Variants in PCDH11X observed in about 807,000 individuals in gnomAD.
PCDH11X encodes the protein protocadherin 11 X-linked.
A neutral mutation model predicts 53.3 loss-of-function variants in PCDH11X; 18 were observed. The ratio of observed to expected loss-of-function variants is 0.34; its 90% confidence interval spans 0.23 to 0.50. PCDH11X has a LOEUF of 0.50. PCDH11X is among the 20% of genes least tolerant of loss of function. The pLI is 0.98. For synonymous variants in PCDH11X, 279 were observed against 393.3 expected (o/e 0.71, Z 3.44); for missense variants, 570 against 1,032.4 (o/e 0.55, Z 6.14).
At chrX:92,597,800 A>G (rs1033050127) in intron 10 of PCDH11X, among the ~76,000 whole-genome samples, 4 of 111,737 alleles carry the variant, frequency 3.6e-5, no homozygotes, top group African/African-American at 1.3e-4. Context: ...ATAGTAACCA[A>G]ACAGCATAAA....
chrX:92,441,049 G>A (rs1474314153), intron 9 of PCDH11X, among the ~76,000 whole-genome samples: 2 of 110,878 alleles, frequency 1.8e-5, no homozygotes, highest in Non-Finnish European at 3.8e-5. Flanking sequence ...GCAAAGAGAC[G>A]GATGGCACTT....
At position 92,009,483 on chromosome X, in the gene PCDH11X, A is replaced by G. The variant is rs865924234; in HGVS notation, c.3033+130210A>G. Among the ~76,000 whole-genome samples the G allele has an allele frequency of 7.4e-4, 82 of 111,053 alleles. 2 individuals are homozygous for G. Among genetic ancestry groups the G allele is most frequent in the Admixed American group, 3.9e-4 (4 of 10,333 alleles). ...ACATATGACATACTAAGGCAATGCC[A>G]TTATCATGCTGTATTACAAATAAAA... On this transcript the variant is annotated intron_variant, in intron 6 of 10. Transcript: ENST00000682573.
chrX:92,006,683 T>C (rs1214763603), intron 6 of PCDH11X, among the ~76,000 whole-genome samples: 6 of 110,229 alleles, frequency 5.4e-5, no homozygotes, highest in Non-Finnish European at 9.5e-5. Flanking sequence ...TATTCTTCAG[T>C]GTCTGGGCAT....
At chrX:91,796,244 C>G (rs1935729808) in intron 1 of PCDH11X, among the ~76,000 whole-genome samples, 1 of 111,786 alleles carries the variant, frequency 8.9e-6, no homozygotes, top group Non-Finnish European at 1.9e-5. Context: ...AGCATTTGAT[C>G]TAACATAGTT....
rs568320534 is a variant in PCDH11X, at chrX:91,989,046, G to A, written c.3033+109773G>A. On this transcript the variant is annotated intron_variant, in intron 6 of 10. Coordinates refer to ENST00000682573, the MANE Select transcript of PCDH11X (RefSeq NM_032968.5). ...CACTATCCAGGAATCTGCTACTAGGGGTTAGGCAGGTTTTCAAACCACAGT... is the reference window on the plus strand; with the variant it reads ...CACTATCCAGGAATCTGCTACTAGGAGTTAGGCAGGTTTTCAAACCACAGT... Among the ~76,000 whole-genome samples, 147 of 110,718 alleles carry A rather than the reference G, an allele frequency of 1.3e-3. 3 individuals are homozygous for A. The South Asian group carries it at 0.057, about 43-fold the overall frequency.
At chrX:92,157,366 A>G (rs567047100) in intron 6 of PCDH11X, among the ~76,000 whole-genome samples, 2 of 111,883 alleles carry the variant, frequency 1.8e-5, no homozygotes, top group Non-Finnish European at 3.8e-5. Context: ...AATAGTGTAT[A>G]ATTTTTTTAT....
At chrX:91,824,932 C>A (rs905609705) in intron 4 of PCDH11X, among the ~76,000 whole-genome samples, 1 of 108,268 alleles carries the variant, frequency 9.2e-6, no homozygotes, top group Non-Finnish European at 1.9e-5. Flanking sequence ...GAGTACCCTG[C>A]AGTGTGAGGT....
At chrX:92,508,213 G>GTT (rs201788107) in intron 10 of PCDH11X, among the ~76,000 whole-genome samples, 67 of 64,262 alleles carry the variant, frequency 1.0e-3, no homozygotes, top group Non-Finnish European at 1.8e-3. Context: ...ACTCTACTTT[G>GTT]TTTTTTTTTG....
chrX:92,419,669 CTTTTTTTTTTTTTTT>C (rs757189751), intron 9 of PCDH11X, among the ~76,000 whole-genome samples: 127 of 54,201 alleles, frequency 2.3e-3, no homozygotes, highest in African/African-American at 8.9e-3. Context: ...TCCCTCCACC[CTTTTTTTTTTTTTTT>C]TTTTTTTTTT....
intron 9 of PCDH11X, among the ~76,000 whole-genome samples, chrX:92,415,277 A>G (rs1176427878): frequency 2.7e-5 from 3 of 111,663 alleles, no homozygotes; most frequent in Non-Finnish European, 5.7e-5. Context: ...GAAACACTTA[A>G]CTTCCTAGAA....
chrX:92,065,520 G>A (rs150130724), intron 6 of PCDH11X, among the ~76,000 whole-genome samples: 9,656 of 111,097 alleles, frequency 0.087, 889 homozygotes, highest in African/African-American at 0.27. Flanking sequence ...ATCCTTACCA[G>A]CATTTGTTAT....
intron 9 of PCDH11X, among the ~76,000 whole-genome samples, chrX:92,423,086 G>A (rs1207869839): frequency 2.0e-5 from 2 of 100,601 alleles, no homozygotes; most frequent in African/African-American, 6.7e-5. Context: ...TCCTGACCTC[G>A]TGATCTGCCC....
chrX:91,927,283 A>G (rs1237550465), intron 6 of PCDH11X, among the ~76,000 whole-genome samples: 1 of 110,174 alleles, frequency 9.1e-6, no homozygotes, highest in Non-Finnish European at 1.9e-5. Context: ...CAGTTACGGA[A>G]CATGACAAAT....
At position 92,235,344 on chromosome X, in the gene PCDH11X, A is replaced by T. The variant is rs933434962; in HGVS notation, c.3115-27770A>T. On this transcript the variant is annotated intron_variant, in intron 7 of 10. Transcript: ENST00000682573. Reference sequence around the variant, plus strand: ...GGTTATGATTTCATAGGCAATGTTAATTCTTACCAATTCTTTAAGAGTTTT... The same window carrying T: ...GGTTATGATTTCATAGGCAATGTTATTTCTTACCAATTCTTTAAGAGTTTT... 9.9e-5 allele frequency among the ~76,000 whole-genome samples: 11 copies of T among 111,008 alleles called. No individual in the cohort carries two copies. The East Asian group carries it at 3.1e-3, about 32-fold the overall frequency.
intron 7 of PCDH11X, among the ~76,000 whole-genome samples, chrX:92,260,552 A>G (rs2067694751): frequency 9.1e-6 from 1 of 110,273 alleles, no homozygotes; most frequent in African/African-American, 3.3e-5. Context: ...AAAACTAGGT[A>G]TTATGAGGGC....
intron 9 of PCDH11X, among the ~76,000 whole-genome samples, chrX:92,400,150 A>C (rs1045907347): frequency 3.6e-5 from 4 of 110,285 alleles, no homozygotes; most frequent in Non-Finnish European, 7.6e-5. Context: ...TAGGTGTTCA[A>C]CTATAGACAA....
At chrX:91,915,984 A>G (rs1360739593) in intron 6 of PCDH11X, among the ~76,000 whole-genome samples, 1 of 110,143 alleles carries the variant, frequency 9.1e-6, no homozygotes, top group Non-Finnish European at 1.9e-5. Flanking sequence ...AATTATATCA[A>G]GTATCCTCTC....
intron 6 of PCDH11X, among the ~76,000 whole-genome samples, chrX:91,926,736 G>A (rs1318761941): frequency 1.8e-5 from 2 of 110,615 alleles, no homozygotes; most frequent in Admixed American, 9.7e-5. Context: ...ACATAGTAAC[G>A]TTGCAATACA....
In PCDH11X at chrX:92,622,865, A is replaced by G. The variant is rs1365200276; in HGVS notation, c.*3925A>G. ...ACAGTAACAAAAAAATCTGCTCAGA[A>G]AAATGTATGTGCACAAATAAAAAAA... is the stretch of plus-strand genomic sequence containing the variant. On this transcript the variant is annotated 3_prime_UTR_variant, in exon 11 of 11. Transcript: ENST00000682573. The G allele has an allele frequency of 1.2e-4, 13 of 110,766 alleles. No individual in the cohort carries two copies. The highest frequency in any genetic ancestry group is 4.3e-4 in the African/African-American group (13 of 30,425). The allele number at this position is 110,766 out of a possible 1,213,427, so 9.1% of individuals were successfully genotyped here.
Sources: gnomAD v4.1 joint callset for allele counts (sites outside exome capture counted in the v4.1 genomes callset) on GRCh38, gnomAD v4.1.1 for gene constraint, MANE v1.5 for transcripts, NCBI Gene and HGNC (gene_info 2026-07-23, HGNC 2026-07-21) for gene names.